The following CLIC5 variants were observed in gnomAD, a reference collection of about 807,000 sequenced individuals.
CLIC5 encodes chloride intracellular channel protein 5.
In CLIC5, 20 loss-of-function variants were observed where a neutral mutation model predicts 24.7. The ratio of observed to expected loss-of-function variants is 0.81; its 90% CI spans 0.57 to 1.18. CLIC5 has a LOEUF of 1.18. Ranked by LOEUF, CLIC5 falls within the 50% of genes most tolerant of loss-of-function variation. CLIC5 has a pLI of 0.00. For synonymous variants in CLIC5, 159 were observed against 135.6 expected, an observed-to-expected ratio of 1.17 and a Z score of -1.20; for missense variants, 341 against 326.1, an observed-to-expected ratio of 1.05 and a Z score of -0.35.
At chr6:45,999,615 C>T (rs866487116) in intron 1 of CLIC5, among the ~76,000 whole-genome samples, 1 of 152,028 alleles carries the variant, frequency 6.6e-6, no homozygotes, top group African/African-American at 2.4e-5. Context: ...AGGCCAACCC[C>T]TCCTCTTCCT....
chr6:45,971,462 A>C (rs1462918852), intron 1 of CLIC5, among the ~76,000 whole-genome samples: 3 of 152,174 alleles, frequency 2.0e-5, no homozygotes. Context: ...CCAAAGTCCC[A>C]ACCTTTCCTT....
At position 46,026,900 on chromosome 6, in the gene CLIC5, G is replaced by A. The variant is rs1440053814; in HGVS notation, c.540+52803C>T. On this transcript the variant is annotated intron_variant, in intron 1 of 5. Transcript: ENST00000185206. ...CTTGTCTAAGTTTGAATAACCAGAA[G>A]ACGAGATAACCAGAAGATGAGATAG... 2.6e-5 allele frequency among the ~76,000 whole-genome samples: 4 copies of A among 152,144 alleles called. No individual in the cohort carries two copies. In the East Asian group the frequency reaches 7.7e-4, roughly 29 times the overall value.
intron 1 of CLIC5, among the ~76,000 whole-genome samples, chr6:46,060,486 A>C (rs1007487156): frequency 2.6e-5 from 4 of 152,180 alleles, no homozygotes; most frequent in Non-Finnish European, 4.4e-5. Flanking sequence ...AGAATTTTAC[A>C]TATATAAACT....
the CLIC5 span, among the ~76,000 whole-genome samples, chr6:46,121,355 A>T: frequency 6.6e-6 from 1 of 152,218 alleles, no homozygotes; most frequent in Non-Finnish European, 1.5e-5. Context: ...AAGGAGAAAT[A>T]AAATCCTTTA....
At chr6:45,998,047 C>G (rs1480041607) in intron 1 of CLIC5, among the ~76,000 whole-genome samples, 1 of 152,260 alleles carries the variant, frequency 6.6e-6, no homozygotes, top group Non-Finnish European at 1.5e-5. Flanking sequence ...TGTGTGACCT[C>G]ATAAGACAGT....
chr6:46,051,511 G>A (rs543739314), intron 1 of CLIC5, among the ~76,000 whole-genome samples: 5 of 152,238 alleles, frequency 3.3e-5, no homozygotes, highest in South Asian at 2.1e-4. Flanking sequence ...TCCATAAGAC[G>A]GTTAGGGTTT....
At chr6:45,968,361 G>T (rs1360082709) in intron 1 of CLIC5, among the ~76,000 whole-genome samples, 6 of 152,140 alleles carry the variant, frequency 3.9e-5, no homozygotes, top group African/African-American at 1.4e-4. Context: ...TAAGCAACGA[G>T]ATGAAGCTTC....
intron 5 of CLIC5, among the ~76,000 whole-genome samples, chr6:45,905,050 A>C (rs1246756932): frequency 1.3e-5 from 2 of 152,160 alleles, no homozygotes; most frequent in African/African-American, 4.8e-5. Context: ...TAAAAAGGAC[A>C]TGACTTTGTT....
intron 4 of CLIC5, among the ~76,000 whole-genome samples, chr6:45,915,542 T>TA (rs1163125431): frequency 6.6e-6 from 1 of 152,114 alleles, no homozygotes; most frequent in Non-Finnish European, 1.5e-5. Flanking sequence ...AAGCTTGTTC[T>TA]AAAAATCACT....
At position 45,901,760 on chromosome 6, in the gene CLIC5, A is replaced by T. The variant is rs1762517057; in HGVS notation, c.*1328T>A. The T allele has an allele frequency of 1.3e-5, 2 of 148,452 alleles. No individual in the cohort carries two copies. The highest frequency in any genetic ancestry group is 2.6e-5 in the African/African-American group (1 of 38,302). The allele number at this position is 148,452 out of a possible 1,614,324, so 9.2% of individuals were successfully genotyped here. On this transcript the variant is annotated 3_prime_UTR_variant, in exon 6 of 6. Transcript: ENST00000339561. ...AAAAGAGTGAAATATTAGCTTAAAA[A>T]TTTTTCCTTTTTTTTTTCACCTGGC...
At chr6:45,904,029 G>A (rs1406920435) in intron 5 of CLIC5, among the ~76,000 whole-genome samples, 5 of 152,164 alleles carry the variant, frequency 3.3e-5, no homozygotes, top group Non-Finnish European at 7.3e-5. Context: ...GGACTGGAGA[G>A]TTCTGGAGAA....
At chr6:46,052,254 G>C (rs1050512195) in intron 1 of CLIC5, among the ~76,000 whole-genome samples, 7 of 152,184 alleles carry the variant, frequency 4.6e-5, no homozygotes, top group Non-Finnish European at 1.0e-4. Context: ...TTGCAGTAAA[G>C]GGTCCTGTTT....
At chr6:46,119,639 G>A in the CLIC5 span, among the ~76,000 whole-genome samples, 75 of 152,362 alleles carry the variant, frequency 4.9e-4, no homozygotes, top group Non-Finnish European at 7.1e-4. Flanking sequence ...GCGAGGCATC[G>A]CCTCATCAGG....
chr6:46,112,378 C>T, the CLIC5 span, among the ~76,000 whole-genome samples: 1 of 152,156 alleles, frequency 6.6e-6, no homozygotes, highest in African/African-American at 2.4e-5. Context: ...ACAAGACCAC[C>T]TTTGCTAGCT....
At chr6:45,981,619 G>T (rs1453119835) in intron 1 of CLIC5, among the ~76,000 whole-genome samples, 1 of 152,192 alleles carries the variant, frequency 6.6e-6, no homozygotes, top group Non-Finnish European at 1.5e-5. Flanking sequence ...GGCCTAGGTG[G>T]GAGGAAAACC....
chr6:46,104,032 A>G, the CLIC5 span, among the ~76,000 whole-genome samples: 1 of 152,162 alleles, frequency 6.6e-6, no homozygotes, highest in Non-Finnish European at 1.5e-5. Flanking sequence ...GGTGTAGTCA[A>G]GTACAACTCT....
intron 1 of CLIC5, among the ~76,000 whole-genome samples, chr6:46,027,332 G>A (rs1299490344): frequency 6.6e-6 from 1 of 152,180 alleles, no homozygotes; most frequent in African/African-American, 2.4e-5. Flanking sequence ...GAAGACTGAA[G>A]GGAAGAGAGA....
At chr6:46,006,127 CATAT>C (rs58643121) in intron 1 of CLIC5, among the ~76,000 whole-genome samples, 623 of 35,098 alleles carry the variant, frequency 0.018, 10 homozygotes, top group East Asian at 0.025. Flanking sequence ...TGTATAAATA[CATAT>C]ATATATATAT....
intron 1 of CLIC5, among the ~76,000 whole-genome samples, chr6:46,008,677 C>T (rs868109773): frequency 6.6e-6 from 1 of 152,094 alleles, no homozygotes; most frequent in South Asian, 2.1e-4. Context: ...CTCCTTCATG[C>T]ATTGCCATTT....
Sources: gnomAD v4.1 joint callset for allele counts (sites outside exome capture counted in the v4.1 genomes callset) on GRCh38, gnomAD v4.1.1 for gene constraint, MANE v1.5 for transcripts, NCBI Gene and HGNC (gene_info 2026-07-23, HGNC 2026-07-21) for gene names.